Variants in PRKG1 observed in about 807,000 individuals in gnomAD.
PRKG1 encodes the protein cGMP-dependent protein kinase 1.
Under a neutral mutation model 88.1 loss-of-function variants are expected in PRKG1, and 35 were observed. That is an observed-to-expected ratio of 0.40 (90% CI 0.30 to 0.53). PRKG1 has a LOEUF of 0.53. Ranked by LOEUF, PRKG1 falls within the 20% of genes least tolerant of loss-of-function variation. The pLI, the probability that PRKG1 is intolerant of heterozygous loss-of-function variation, is 0.59. For missense variants in PRKG1, 540 were observed against 839.8 expected (o/e 0.64, Z 4.41); for synonymous variants, 303 against 292.5 (o/e 1.04, Z -0.37).
chr10:51,947,686 C>G (rs574699172), intron 5 of PRKG1, among the ~76,000 whole-genome samples: 19 of 152,202 alleles, frequency 1.2e-4, no homozygotes, highest in African/African-American at 4.3e-4. Flanking sequence ...AGAAGGAGCC[C>G]TGGGTGTTGT....
In PRKG1 at chr10:51,567,488, A is replaced by T. The variant is rs1455138701; in HGVS notation, c.592+99652A>T. On this transcript the variant is annotated intron_variant, in intron 3 of 17. Transcript: ENST00000373980. ...AGACCACATTACCCAGTGGGAGTTT[A>T]CTTGGCAAAGTACATCCTTCTACAG... is the stretch of plus-strand genomic sequence containing the variant. Among the ~76,000 whole-genome samples the T allele has an allele frequency of 3.3e-5, 5 of 152,120 alleles. No homozygotes were observed. The East Asian group carries it at 9.7e-4, about 29-fold the overall frequency.
chr10:52,120,261 A>G (rs545414859), intron 7 of PRKG1, among the ~76,000 whole-genome samples: 9 of 152,278 alleles, frequency 5.9e-5, no homozygotes, highest in African/African-American at 1.9e-4. Flanking sequence ...CTGCCAACAC[A>G]TGAACTTTGG....
intron 2 of PRKG1, among the ~76,000 whole-genome samples, chr10:51,465,186 G>A (rs115647243): frequency 0.023 from 3,457 of 152,094 alleles, 119 homozygotes; most frequent in African/African-American, 0.075. Context: ...AATTAGTTCT[G>A]ATGTAATGGG....
intron 1 of PRKG1, among the ~76,000 whole-genome samples, chr10:51,150,373 A>G (rs1904697): frequency 0.56 from 84,650 of 151,916 alleles, 24,687 homozygotes; most frequent in African/African-American, 0.75. Context: ...ATTATAGTCT[A>G]TAATGTTGGA....
intron 5 of PRKG1, among the ~76,000 whole-genome samples, chr10:52,024,316 A>ATTTT (rs201621834): frequency 1.5e-5 from 2 of 131,492 alleles, no homozygotes; most frequent in African/African-American, 3.1e-5. Context: ...TATTTATTTA[A>ATTTT]CTTTTTTTTT....
At position 51,127,262 on chromosome 10, in the gene PRKG1, GAAC is replaced by G. The variant is rs760886325; in HGVS notation, c.312-25885_312-25883del. The stretch of plus-strand genomic sequence containing the variant: ...ATCTACAAGGAACTGTAATTTACAA[GAAC>G]AACAACAACAACAACATCAAAAAGT... On this transcript the variant is annotated intron_variant, in intron 1 of 17. Transcript: ENST00000373980. 2.1e-3 allele frequency among the ~76,000 whole-genome samples: 313 copies of G among 151,902 alleles called. 2 individuals are homozygous for G. The highest frequency in any genetic ancestry group is 7.3e-3 in the African/African-American group (303 of 41,436).
At chr10:51,510,925 G>A (rs867870654) in intron 3 of PRKG1, among the ~76,000 whole-genome samples, 79 of 109,922 alleles carry the variant, frequency 7.2e-4, no homozygotes, top group Non-Finnish European at 1.3e-3. Flanking sequence ...TTTTTTTTTT[G>A]TATTTTTAGT....
chr10:52,134,935 T>C (rs1837364767), intron 8 of PRKG1, among the ~76,000 whole-genome samples: 1 of 152,078 alleles, frequency 6.6e-6, no homozygotes. Flanking sequence ...TTTGTCTGGT[T>C]CCCAAAAACA....
chr10:51,956,717 C>G (rs1367140843), intron 5 of PRKG1, among the ~76,000 whole-genome samples: 1 of 151,878 alleles, frequency 6.6e-6, no homozygotes, highest in Non-Finnish European at 1.5e-5. Flanking sequence ...AAACTCCTCT[C>G]TCTCTTTTTT....
At chr10:51,057,412 C>T (rs779969389) in intron 1 of PRKG1, among the ~76,000 whole-genome samples, 1 of 152,040 alleles carries the variant, frequency 6.6e-6, no homozygotes, top group Non-Finnish European at 1.5e-5. Flanking sequence ...TTGTTTTATG[C>T]TTCTGTAATG....
chr10:51,848,615 A>G (rs886539081), intron 4 of PRKG1, among the ~76,000 whole-genome samples: 73 of 150,504 alleles, frequency 4.9e-4, no homozygotes, highest in African/African-American at 1.7e-3. Flanking sequence ...GAGTTCCATT[A>G]ATTCTGTGTG....
intron 2 of PRKG1, among the ~76,000 whole-genome samples, chr10:51,156,913 A>G (rs548225740): frequency 6.6e-6 from 1 of 151,986 alleles, no homozygotes; most frequent in South Asian, 2.1e-4. Context: ...GCAGTAAAGG[A>G]TCTTCCACAA....
chr10:51,346,777 A>G (rs1045931427), intron 2 of PRKG1, among the ~76,000 whole-genome samples: 24 of 152,180 alleles, frequency 1.6e-4, no homozygotes, highest in African/African-American at 5.8e-4. Flanking sequence ...TTCCAATTAT[A>G]ATGACATGGT....
chr10:51,709,563 C>CA (rs1408237944), intron 3 of PRKG1, among the ~76,000 whole-genome samples: 1 of 152,206 alleles, frequency 6.6e-6, no homozygotes, highest in East Asian at 1.9e-4. Flanking sequence ...CTCTAGAGCT[C>CA]AGCCTTTTGT....
chr10:52,071,895 G>A (rs1303216823), intron 7 of PRKG1, among the ~76,000 whole-genome samples: 2 of 152,140 alleles, frequency 1.3e-5, no homozygotes, highest in African/African-American at 2.4e-5. Flanking sequence ...ACAAGGCTTG[G>A]GTTTCTGTTT....
At chr10:51,774,431 C>T (rs190975662) in intron 3 of PRKG1, among the ~76,000 whole-genome samples, 1 of 152,022 alleles carries the variant, frequency 6.6e-6, no homozygotes, top group South Asian at 2.1e-4. Context: ...AAATTCTTAG[C>T]CTATCCTTAC....
intron 5 of PRKG1, among the ~76,000 whole-genome samples, chr10:52,007,428 G>GAAAA (rs1341468359): frequency 4.6e-5 from 7 of 152,074 alleles, no homozygotes; most frequent in Non-Finnish European, 1.0e-4. Context: ...ACAGGATGAA[G>GAAAA]AAAAATATAC....
At chr10:52,167,721 A>G (rs1323913545) in intron 9 of PRKG1, among the ~76,000 whole-genome samples, 1 of 152,058 alleles carries the variant, frequency 6.6e-6, no homozygotes, top group Admixed American at 6.5e-5. Context: ...ACATTCATAG[A>G]AAATGAGTAC....
intron 2 of PRKG1, among the ~76,000 whole-genome samples, chr10:51,427,176 A>G (rs1332468395): frequency 1.3e-5 from 2 of 152,238 alleles, no homozygotes; most frequent in Non-Finnish European, 2.9e-5. Flanking sequence ...AAAGCAAAGA[A>G]AACATGAAAA....
Sources: allele counts gnomAD v4.1 joint callset (sites outside exome capture counted in the v4.1 genomes callset), GRCh38; gene constraint gnomAD v4.1.1; transcripts MANE v1.5; gene names NCBI Gene and HGNC (gene_info 2026-07-23, HGNC 2026-07-21).